The following DPP6 variants were observed in gnomAD, a reference collection of about 807,000 sequenced individuals.
DPP6 encodes dipeptidyl peptidase like 6.
Under a neutral mutation model 122.6 loss-of-function variants are expected in DPP6, and 69 were observed. That is an observed-to-expected ratio of 0.56 (90% CI 0.46 to 0.69). The LOEUF (loss-of-function observed/expected upper bound fraction) is 0.69, where lower values mean the gene tolerates loss of function less well. DPP6 is among the 30% of genes least tolerant of loss of function. The probability of loss-of-function intolerance (pLI) is 0.00; values close to 1 mark genes in which losing one functional copy is unlikely to be tolerated. For missense variants in DPP6, 928 were observed against 1,116.9 expected, an observed-to-expected ratio of 0.83 and a Z score of 2.41; for synonymous variants, 418 against 433.1, an observed-to-expected ratio of 0.97 and a Z score of 0.43.
rs372157612 is a variant in DPP6 at position 154,663,217 on chromosome 7, G to A, written c.681-6143G>A. 1.4e-4 allele frequency among the ~76,000 whole-genome samples: 8 copies of A among 57,782 alleles called. 1 individual carries two copies. Among genetic ancestry groups the A allele is most frequent in the East Asian group, 1.2e-3 (2 of 1,614 alleles). 37.9% of individuals were successfully genotyped at this position (57,782 alleles called of 152,430 possible). A position where few individuals can be genotyped will look rare whatever the true frequency, so the allele number is the denominator to read the frequency against. ...TGGTGAATCAGCATGGTGTATTGGC[G>A]CTTGTGTTCATATAGTCATGGTGAA... On this transcript the variant is annotated intron_variant, in intron 6 of 25. Coordinates refer to ENST00000377770, the MANE Select transcript of DPP6 (RefSeq NM_130797.4).
intron 5 of DPP6, among the ~76,000 whole-genome samples, chr7:154,593,177 A>C (rs544045933): frequency 1.3e-5 from 2 of 152,308 alleles, no homozygotes; most frequent in East Asian, 1.9e-4. Context: ...TGCCCTACCA[A>C]CGACCGTATT....
In DPP6 at chr7:154,486,701, G is replaced by A. The variant is rs970737083; in HGVS notation, c.457+11664G>A. On this transcript the variant is annotated intron_variant, in intron 3 of 25. Transcript: ENST00000377770. The surrounding 1 kb of genome is among the most constrained non-coding windows in gnomAD (Gnocchi z 4.5). ...AACCAGCTAGGGTTGGACCACCTTG[G>A]GGATGCAGCCCACTTCGCAGAGGCT... Among the ~76,000 whole-genome samples, 2 of 152,164 alleles carry A rather than the reference G, an allele frequency of 1.3e-5. No individual in the cohort carries two copies. Among genetic ancestry groups the A allele is most frequent in the Non-Finnish European group, 2.9e-5 (2 of 68,016 alleles).
chr7:154,540,661 G>A, intron 4 of DPP6, 35 bp downstream of exon 4: 3 of 1,316,346 alleles, frequency 2.3e-6, no homozygotes, highest in Non-Finnish European at 3.1e-6. Flanking sequence ...GATAATTTCA[G>A]TTTTTCTTCC....
chr7:154,672,476 G>T (rs1393024343), intron 7 of DPP6, among the ~76,000 whole-genome samples: 1 of 152,180 alleles, frequency 6.6e-6, no homozygotes, highest in East Asian at 1.9e-4. Context: ...ATACATTTTT[G>T]TGGTTTCAAA....
At chr7:154,244,358 G>A (rs1363198759) in intron 1 of DPP6, among the ~76,000 whole-genome samples, 4 of 152,086 alleles carry the variant, frequency 2.6e-5, no homozygotes, top group Non-Finnish European at 5.9e-5. Context: ...ATAAAATTAA[G>A]AGTCAGCAGA....
chr7:154,134,290 G>A (rs544565593), intron 1 of DPP6, among the ~76,000 whole-genome samples: 2 of 152,260 alleles, frequency 1.3e-5, no homozygotes, highest in African/African-American at 4.8e-5. Context: ...TTTAGTGCTG[G>A]AAGTCTCCAG....
intron 1 of DPP6, among the ~76,000 whole-genome samples, chr7:154,310,189 G>A (rs1354096244): frequency 6.6e-6 from 1 of 152,228 alleles, no homozygotes; most frequent in Non-Finnish European, 1.5e-5. Flanking sequence ...CTGATGGGGA[G>A]CAGCATGGAG....
At chr7:154,444,406 A>G (rs1819681661) in intron 1 of DPP6, among the ~76,000 whole-genome samples, 1 of 152,152 alleles carries the variant, frequency 6.6e-6, no homozygotes, top group Admixed American at 6.5e-5. Context: ...CAGAGCTTGC[A>G]GTGAGCCGAG....
rs1380416341 is a variant in DPP6 at position 154,483,723 on chromosome 7, C to CTG, written c.457+8687_457+8688insGT. Among the ~76,000 whole-genome samples the CTG allele has an allele frequency of 2.0e-5, 3 of 152,220 alleles. No individual in the cohort carries two copies. The highest frequency in any genetic ancestry group is 7.2e-5 in the African/African-American group (3 of 41,452). ...TTTTGCTTTGCTTTTGAGACGGAGTCTCGCTCTGTCGCCCAGGCTGGAGTG... is the reference window on the plus strand; with the variant it reads ...TTTTGCTTTGCTTTTGAGACGGAGTCTGTCGCTCTGTCGCCCAGGCTGGAGTG... On this transcript the variant is annotated intron_variant, in intron 3 of 25. Transcript: ENST00000377770. The surrounding 1 kb of genome is among the most constrained non-coding windows in gnomAD (Gnocchi z 8.1).
At chr7:154,073,322 G>C (rs746572117) in intron 1 of DPP6, among the ~76,000 whole-genome samples, 3 of 152,120 alleles carry the variant, frequency 2.0e-5, no homozygotes, top group Non-Finnish European at 4.4e-5. Flanking sequence ...GCCCTTTAGT[G>C]GGGGAACTCC....
intron 2 of DPP6, among the ~76,000 whole-genome samples, chr7:154,462,475 G>T (rs190529456): frequency 6.6e-6 from 1 of 152,096 alleles, no homozygotes. Context: ...TAACAATATT[G>T]ATTCTTATAA....
Position 154,059,900 on chromosome 7 carries a change from C to T in DPP6, c.243+6837C>T, listed in dbSNP as rs183018216. On this transcript the variant is annotated intron_variant, in intron 1 of 25. Transcript: ENST00000377770. ...CTTGGCAGCAACTGCCCTGCTAGTACAAGAAGCAAATAAGCTCATTCTTGG... is the reference window on the plus strand; with the variant it reads ...CTTGGCAGCAACTGCCCTGCTAGTATAAGAAGCAAATAAGCTCATTCTTGG... Among the ~76,000 whole-genome samples the T allele has an allele frequency of 1.6e-3, 239 of 151,892 alleles. No homozygotes were observed. In the South Asian group the frequency reaches 0.027, roughly 17 times the overall value.
At chr7:153,765,427 T>C in the DPP6 span, among the ~76,000 whole-genome samples, 100 of 151,924 alleles carry the variant, frequency 6.6e-4, no homozygotes, top group African/African-American at 2.3e-3. Flanking sequence ...CTGTAATCCC[T>C]GCTACTTGGA....
intron 1 of DPP6, among the ~76,000 whole-genome samples, chr7:154,156,808 ATGAATGT>A (rs1796704544): frequency 6.6e-6 from 1 of 152,230 alleles, no homozygotes; most frequent in South Asian, 2.1e-4. Flanking sequence ...TAGATAACCC[ATGAATGT>A]TGAAGAATTG....
chr7:154,594,814 C>A (rs1832995140), intron 5 of DPP6, among the ~76,000 whole-genome samples: 1 of 152,286 alleles, frequency 6.6e-6, no homozygotes, highest in East Asian at 1.9e-4. Context: ...AATTCTAGAT[C>A]TGACCTAGAC....
intron 1 of DPP6, among the ~76,000 whole-genome samples, chr7:154,373,661 A>G (rs1260674917): frequency 6.6e-6 from 1 of 152,082 alleles, no homozygotes; most frequent in East Asian, 1.9e-4. Context: ...CATCTTAGCC[A>G]TTTTTCAGTG....
Position 154,862,358 on chromosome 7 carries a change from G to A in DPP6, c.1715-5637G>A, listed in dbSNP as rs7792301. 9.1e-3 allele frequency among the ~76,000 whole-genome samples: 1,384 copies of A among 152,334 alleles called. 23 individuals carry two copies. The highest frequency in any genetic ancestry group is 0.032 in the African/African-American group (1,320 of 41,580). On this transcript the variant is annotated intron_variant, in intron 17 of 25. Coordinates refer to ENST00000377770, the MANE Select transcript of DPP6 (RefSeq NM_130797.4). ...TGGGAACCAGTCTCCTGAATCCCAC[G>A]TGTCTGCACTCGAAATCTTCTGGAC...
chr7:154,740,896 T>C (rs151254369), intron 8 of DPP6, among the ~76,000 whole-genome samples: 1 of 152,302 alleles, frequency 6.6e-6, no homozygotes, highest in African/African-American at 2.4e-5. Context: ...CCTAAAGGAA[T>C]CAGTCTTCTG....
the DPP6 span, among the ~76,000 whole-genome samples, chr7:153,860,473 T>C: frequency 3.3e-5 from 5 of 152,246 alleles, no homozygotes; most frequent in East Asian, 9.7e-4. Flanking sequence ...ACCCATTCCC[T>C]GAACCAGAGC....
Sources: allele counts gnomAD v4.1 joint callset (sites outside exome capture counted in the v4.1 genomes callset), GRCh38; gene constraint gnomAD v4.1.1; non-coding constraint Gnocchi (gnomAD v3.1); transcripts MANE v1.5; gene names NCBI Gene and HGNC (gene_info 2026-07-23, HGNC 2026-07-21).